Variants in PPA2 observed in about 807,000 individuals in gnomAD.
The protein encoded by PPA2 is inorganic pyrophosphatase 2, also known as inorganic pyrophosphatase 2, mitochondrial.
PPA2 carries 48 observed loss-of-function variants against 49.5 expected under a neutral mutation model. That is an observed-to-expected ratio of 0.97 (90% CI 0.77 to 1.23). PPA2 has a LOEUF of 1.23. Among genes scored for constraint, PPA2 ranks in the 50% most tolerant of loss-of-function variants. PPA2 has a pLI of 0.00. For synonymous variants in PPA2, 131 were observed against 139.9 expected (o/e 0.94, Z 0.45); for missense variants, 429 against 410.1 (o/e 1.05, Z -0.40).
intron 3 of PPA2, among the ~76,000 whole-genome samples, chr4:105,450,260 A>C (rs1275967781): frequency 6.6e-6 from 1 of 152,244 alleles, no homozygotes; most frequent in African/African-American, 2.4e-5. Flanking sequence ...GACCAGGGCC[A>C]GTCTGCAAAC....
intron 1 of PPA2, among the ~76,000 whole-genome samples, chr4:105,471,726 C>T (rs1723530975): frequency 6.6e-6 from 1 of 152,242 alleles, no homozygotes. Context: ...CTTTGCCCTA[C>T]CCCTTCTAGC....
At chr4:105,429,278 G>T (rs1723683887) in intron 6 of PPA2, among the ~76,000 whole-genome samples, 1 of 152,192 alleles carries the variant, frequency 6.6e-6, no homozygotes, top group Non-Finnish European at 1.5e-5. Flanking sequence ...AGATGACCAA[G>T]AGGCAGAATA....
chr4:105,398,850 T>C (rs1248778447), intron 8 of PPA2, 187 bp downstream of exon 8: 1 of 489,150 alleles, frequency 2.0e-6, no homozygotes, highest in Admixed American at 4.2e-5. Flanking sequence ...TTCAGCCTTG[T>C]TGATTCACTT....
chr4:105,473,576 C>A, intron 1 of PPA2: 1 of 564,704 alleles, frequency 1.8e-6, no homozygotes, highest in Non-Finnish European at 3.3e-6. Flanking sequence ...CAGGCCGCCG[C>A]GGGGTGGCCG....
chr4:105,372,715 T>A (rs1315895165), intron 10 of PPA2, among the ~76,000 whole-genome samples: 2 of 152,192 alleles, frequency 1.3e-5, no homozygotes, highest in Non-Finnish European at 2.9e-5. Context: ...CATCATCTGC[T>A]TTCCTGAGTC....
rs1002286871 is a variant in PPA2 at position 105,391,389 on chromosome 4, C to T, written c.870-4753G>A. Among the ~76,000 whole-genome samples the T allele has an allele frequency of 1.8e-4, 27 of 146,968 alleles. 1 individual carries two copies. In the Middle Eastern group the frequency reaches 0.011, roughly 62 times the overall value. On this transcript the variant is annotated intron_variant, in intron 9 of 11. Coordinates refer to ENST00000341695, the MANE Select transcript of PPA2 (RefSeq NM_176869.3). ...GGAAGTACCAGGTTAATATACCTTT[C>T]TCTAGGAATGTAAAAAGAAACAACT...
Position 105,397,217 on chromosome 4 carries a change from G to T in PPA2, c.784-883C>A, listed in dbSNP as rs558088683. Among the ~76,000 whole-genome samples, 5 of 152,142 alleles carry T rather than the reference G, an allele frequency of 3.3e-5. No homozygotes were observed. The South Asian group carries it at 1.0e-3, about 32-fold the overall frequency. ...TCATTATGATAATAAAGAAACTAAA[G>T]AATCTTGGGAACTGAGGTACAGTAA... On this transcript the variant is annotated intron_variant, in intron 8 of 11. Transcript: ENST00000341695.
At chr4:105,390,990 G>C (rs1733893436) in intron 9 of PPA2, among the ~76,000 whole-genome samples, 1 of 151,704 alleles carries the variant, frequency 6.6e-6, no homozygotes, top group Non-Finnish European at 1.5e-5. Context: ...ATACATCATA[G>C]GATACTACGT....
At chr4:105,466,047 C>T (rs59758094) in intron 1 of PPA2, among the ~76,000 whole-genome samples, 11,357 of 152,034 alleles carry the variant, frequency 0.075, 781 homozygotes, top group African/African-American at 0.18. Flanking sequence ...AGGACTGCTG[C>T]AAGAAACTAC....
At chr4:105,431,841 C>T (rs1180472224) in intron 6 of PPA2, among the ~76,000 whole-genome samples, 1 of 152,120 alleles carries the variant, frequency 6.6e-6, no homozygotes, top group African/African-American at 2.4e-5. Context: ...GGTTACATAT[C>T]ATGTGAGACC....
At chr4:105,388,836 GA>G (rs11307608) in intron 9 of PPA2, among the ~76,000 whole-genome samples, 32,885 of 98,632 alleles carry the variant, frequency 0.33, 4,109 homozygotes, top group Middle Eastern at 0.43. Context: ...AAAAAAAAAA[GA>G]AAAAAAAAAA....
At chr4:105,469,414 C>T (rs1723434847) in intron 1 of PPA2, among the ~76,000 whole-genome samples, 1 of 152,210 alleles carries the variant, frequency 6.6e-6, no homozygotes, top group South Asian at 2.1e-4. Flanking sequence ...ATTACTTACA[C>T]TAGAGCAAGT....
At chr4:105,468,580 G>C (rs1272229939) in intron 1 of PPA2, among the ~76,000 whole-genome samples, 1 of 152,188 alleles carries the variant, frequency 6.6e-6, no homozygotes, top group Non-Finnish European at 1.5e-5. Context: ...GCCTAAGTTA[G>C]GTGATCCTTG....
chr4:105,457,735 A>C (rs187774740), intron 1 of PPA2, among the ~76,000 whole-genome samples: 1 of 152,184 alleles, frequency 6.6e-6, no homozygotes, highest in African/African-American at 2.4e-5. Context: ...AGCTAAGTTT[A>C]AAGTTTTTTG....
At chr4:105,420,113 C>G (rs919028828) in intron 7 of PPA2, among the ~76,000 whole-genome samples, 1 of 152,118 alleles carries the variant, frequency 6.6e-6, no homozygotes, top group South Asian at 2.1e-4. Context: ...GCTGGGATTA[C>G]AGGCATGTGC....
chr4:105,454,302 C>CTGCTGTTGT (rs1246609687), intron 2 of PPA2, among the ~76,000 whole-genome samples: 5 of 146,284 alleles, frequency 3.4e-5, no homozygotes, highest in Non-Finnish European at 7.5e-5. Flanking sequence ...TTTGCTGCTG[C>CTGCTGTTGT]TGTTGTTGTT....
chr4:105,453,495 A>G, intron 3 of PPA2, 103 bp downstream of exon 3: 1 of 812,596 alleles, frequency 1.2e-6, no homozygotes, highest in South Asian at 2.8e-5. Flanking sequence ...AAAGTCTTGC[A>G]GGGGTAAAAA....
chr4:105,398,374 CAT>C (rs1734228608), intron 8 of PPA2: 1 of 152,016 alleles, frequency 6.6e-6, no homozygotes, highest in East Asian at 1.9e-4. Flanking sequence ...GCAAAATACC[CAT>C]TATAAATTTT....
intron 1 of PPA2, among the ~76,000 whole-genome samples, chr4:105,463,861 T>C (rs78950030): frequency 0.011 from 1,676 of 152,224 alleles, 41 homozygotes; most frequent in African/African-American, 0.037. Flanking sequence ...AGATTTCAGG[T>C]GTATGAAAAC....
Sources: gnomAD v4.1 joint callset for allele counts (sites outside exome capture counted in the v4.1 genomes callset) on GRCh38, gnomAD v4.1.1 for gene constraint, MANE v1.5 for transcripts, NCBI Gene and HGNC (gene_info 2026-07-23, HGNC 2026-07-21) for gene names.